TMEM108: variants seen among roughly 807,000 people sequenced by gnomAD.
TMEM108 encodes the protein cancer/testis antigen 124.
A neutral mutation model predicts 35.1 loss-of-function variants in TMEM108; 12 were observed. That is an observed-to-expected ratio of 0.34 (90% CI 0.22 to 0.55). The LOEUF (loss-of-function observed/expected upper bound fraction) is 0.55. Ranked by LOEUF, TMEM108 falls within the 20% of genes least tolerant of loss-of-function variation. The pLI, the probability that TMEM108 is intolerant of heterozygous loss-of-function variation, is 0.89. For synonymous variants in TMEM108, 287 were observed against 308.6 expected (o/e 0.93, Z 0.73); for missense variants, 680 against 753.3 (o/e 0.90, Z 1.14).
At chr3:133,286,010 A>G (rs1324844863) in intron 3 of TMEM108, among the ~76,000 whole-genome samples, 1 of 152,232 alleles carries the variant, frequency 6.6e-6, no homozygotes, top group Non-Finnish European at 1.5e-5. Context: ...ATTTCCAGTT[A>G]TAGCACACAC....
chr3:133,242,856 GCAGCTTGAGGT>G (rs2107661839), intron 3 of TMEM108, among the ~76,000 whole-genome samples: 2 of 152,310 alleles, frequency 1.3e-5, no homozygotes, highest in East Asian at 3.9e-4. Context: ...CTCTGTGCTG[GCAGCTTGAGGT>G]CAGCTAAGTA....
intron 1 of TMEM108, among the ~76,000 whole-genome samples, chr3:133,040,683 T>G (rs1293563539): frequency 6.6e-6 from 1 of 152,158 alleles, no homozygotes; most frequent in Non-Finnish European, 1.5e-5. Context: ...TTTGAAAAGG[T>G]TGGGAAACAC....
At chr3:133,073,510 C>CTCTCTCTCTCTCTCTA in intron 2 of TMEM108, among the ~76,000 whole-genome samples, 302 of 43,850 alleles carry the variant, frequency 6.9e-3, no homozygotes, top group Non-Finnish European at 9.0e-3. Context: ...CTCTCTCTCT[C>CTCTCTCTCTCTCTCTA]TATATATATA....
At chr3:133,128,495 GAAAGAGGATCTTTATTGCCTGTAAAAT>G (rs961407002) in intron 2 of TMEM108, among the ~76,000 whole-genome samples, 9 of 152,130 alleles carry the variant, frequency 5.9e-5, no homozygotes, top group African/African-American at 2.2e-4. Flanking sequence ...AGGCTTCGTG[GAAAGAGGATCTTTATTGCCTGTAAAAT>G]AAAGAGGATC....
At chr3:133,352,286 A>G (rs2072026730) in intron 3 of TMEM108, among the ~76,000 whole-genome samples, 1 of 152,172 alleles carries the variant, frequency 6.6e-6, no homozygotes, top group Non-Finnish European at 1.5e-5. Context: ...CTAGATAGGA[A>G]AAACCAAACT....
At chr3:133,384,610 A>C (rs2073099971) in intron 4 of TMEM108, among the ~76,000 whole-genome samples, 1 of 152,226 alleles carries the variant, frequency 6.6e-6, no homozygotes, top group African/African-American at 2.4e-5. Context: ...GGGCTAGGGC[A>C]GAGGAGCCAG....
chr3:133,381,061 G>C lies in TMEM108; in HGVS notation c.1350G>C (p.Val450=). 6.2e-7 allele frequency: 1 copy of C among 1,614,202 alleles called. No homozygotes were observed. The highest frequency in any genetic ancestry group is 1.3e-5 in the African/African-American group (1 of 75,052). Reference sequence around the variant, plus strand: ...GGACAGCAGGGAACATCTCCCATGTGGCCGAGGGGGACAAACCGCAGCACA... The same window carrying C: ...GGACAGCAGGGAACATCTCCCATGTCGCCGAGGGGGACAAACCGCAGCACA... ...KPGTAGNISH[V]AEGDKPQHRA... The change falls in exon 4 of 6, where the codon GTG becomes GTC. Residue 450 remains valine (V), a synonymous_variant. Transcript: ENST00000321871.
chr3:133,235,621 T>C (rs976023249), intron 3 of TMEM108, among the ~76,000 whole-genome samples: 1 of 152,142 alleles, frequency 6.6e-6, no homozygotes, highest in Non-Finnish European at 1.5e-5. Flanking sequence ...TGAGATGACA[T>C]GCCATATAGA....
intron 2 of TMEM108, among the ~76,000 whole-genome samples, chr3:133,218,112 T>C (rs544892102): frequency 3.3e-5 from 5 of 152,112 alleles, no homozygotes; most frequent in African/African-American, 1.2e-4. Flanking sequence ...TGTAGTTTTC[T>C]GTGTACAGGT....
intron 2 of TMEM108, among the ~76,000 whole-genome samples, chr3:133,134,577 C>T (rs551557214): frequency 6.6e-6 from 1 of 152,008 alleles, no homozygotes; most frequent in East Asian, 1.9e-4. Flanking sequence ...TCTCTTCTTG[C>T]TGTCTCTTGT....
intron 2 of TMEM108, among the ~76,000 whole-genome samples, chr3:133,170,153 T>G (rs1384838495): frequency 6.6e-6 from 1 of 152,214 alleles, no homozygotes; most frequent in Non-Finnish European, 1.5e-5. Context: ...TAGTAATGTG[T>G]GCTTCCTGGG....
intron 2 of TMEM108, among the ~76,000 whole-genome samples, chr3:133,207,833 T>A (rs1207899886): frequency 6.6e-6 from 1 of 152,094 alleles, no homozygotes; most frequent in Admixed American, 6.5e-5. Context: ...CCATTAGAAT[T>A]CAAACATACC....
intron 3 of TMEM108, among the ~76,000 whole-genome samples, chr3:133,367,962 C>T (rs2072548407): frequency 6.6e-6 from 1 of 152,210 alleles, no homozygotes; most frequent in Non-Finnish European, 1.5e-5. Flanking sequence ...CATGATCAGG[C>T]CAGGACATTG....
rs541487880 is a variant in TMEM108, at chr3:133,089,115, G to A, written c.-47+43095G>A. Among the ~76,000 whole-genome samples the A allele has an allele frequency of 5.3e-5, 8 of 152,172 alleles. No individual in the cohort carries two copies. The South Asian group carries it at 1.5e-3, about 28-fold the overall frequency. On this transcript the variant is annotated intron_variant, in intron 2 of 5. Coordinates refer to ENST00000321871, the MANE Select transcript of TMEM108 (RefSeq NM_023943.4). ...AGATCTCACAAAAACTCATCATCAC[G>A]AACAGCACCAAGGGGATAGTGCTAA...
At chr3:133,306,388 T>G (rs986723449) in intron 3 of TMEM108, among the ~76,000 whole-genome samples, 1 of 152,200 alleles carries the variant, frequency 6.6e-6, no homozygotes, top group Non-Finnish European at 1.5e-5. Context: ...TTATTATACT[T>G]TAAGTTCTAG....
At chr3:133,365,574 G>A (rs1559930055) in intron 3 of TMEM108, among the ~76,000 whole-genome samples, 1 of 152,144 alleles carries the variant, frequency 6.6e-6, no homozygotes, top group Non-Finnish European at 1.5e-5. Flanking sequence ...AGGACATAGG[G>A]GCAGCTACCC....
chr3:133,271,066 G>A (rs1475104787), intron 3 of TMEM108, among the ~76,000 whole-genome samples: 5 of 152,084 alleles, frequency 3.3e-5, no homozygotes, highest in Admixed American at 6.5e-5. Context: ...AAATGAACAC[G>A]CTACCCTGCT....
intron 2 of TMEM108, among the ~76,000 whole-genome samples, chr3:133,125,990 G>C (rs1426730142): frequency 6.6e-6 from 1 of 152,150 alleles, no homozygotes; most frequent in East Asian, 1.9e-4. Context: ...TTGACCGTAT[G>C]CTGGCTGACT....
chr3:133,261,554 G>T (rs898201831), intron 3 of TMEM108, among the ~76,000 whole-genome samples: 1 of 152,210 alleles, frequency 6.6e-6, no homozygotes. Flanking sequence ...GTAGCTGAAA[G>T]TATTACTGTT....
Sources: allele counts gnomAD v4.1 joint callset (sites outside exome capture counted in the v4.1 genomes callset), GRCh38; gene constraint gnomAD v4.1.1; transcripts MANE v1.5; gene names NCBI Gene and HGNC (gene_info 2026-07-23, HGNC 2026-07-21).